SORCS2: variants seen among roughly 807,000 people sequenced by gnomAD.
SORCS2 encodes the protein VPS10 domain-containing receptor SorCS2.
A neutral mutation model predicts 141.6 loss-of-function variants in SORCS2; 100 were observed. The ratio of observed to expected loss-of-function variants is 0.71; its 90% CI spans 0.60 to 0.83. The LOEUF is 0.83. Ranked by LOEUF, SORCS2 falls within the 40% of genes least tolerant of loss-of-function variation. The probability of loss-of-function intolerance (pLI) is 0.00; values close to 1 mark genes in which losing one functional copy is unlikely to be tolerated. For missense variants in SORCS2, 1,646 were observed against 1,560.2 expected, an observed-to-expected ratio of 1.05 and a Z score of -0.93; for synonymous variants, 789 against 676.9, an observed-to-expected ratio of 1.17 and a Z score of -2.57.
intron 2 of SORCS2, among the ~76,000 whole-genome samples, chr4:7,484,687 T>A (rs916586186): frequency 1.4e-4 from 21 of 152,084 alleles, no homozygotes; most frequent in Admixed American, 1.3e-3. Context: ...AAAATGATCC[T>A]CTCTTTAGAG....
chr4:7,521,578 G>A (rs112683331), intron 2 of SORCS2, among the ~76,000 whole-genome samples: 2 of 152,274 alleles, frequency 1.3e-5, no homozygotes, highest in African/African-American at 4.8e-5. Flanking sequence ...GGTCCTGGGC[G>A]CCACAGCGGT....
chr4:7,506,847 TACAAAACAACAAACAA>T (rs2109447528), intron 2 of SORCS2, among the ~76,000 whole-genome samples: 1 of 152,256 alleles, frequency 6.6e-6, no homozygotes, highest in African/African-American at 2.4e-5. Context: ...AATACACAGA[TACAAAACAACAAACAA>T]ATGAAACAAA....
chr4:7,299,564 C>G (rs1717302362), intron 1 of SORCS2, among the ~76,000 whole-genome samples: 1 of 152,220 alleles, frequency 6.6e-6, no homozygotes, highest in South Asian at 2.1e-4. Context: ...CATGTTAGAT[C>G]CTGGGGCATT....
intron 3 of SORCS2, among the ~76,000 whole-genome samples, chr4:7,610,686 C>T (rs1318836122): frequency 6.6e-6 from 1 of 152,110 alleles, no homozygotes; most frequent in Non-Finnish European, 1.5e-5. Flanking sequence ...CTGTTGATTC[C>T]ATCAGATTCT....
chr4:7,230,625 G>A (rs113957943), intron 1 of SORCS2, among the ~76,000 whole-genome samples: 8 of 116,268 alleles, frequency 6.9e-5, no homozygotes, highest in East Asian at 5.8e-4. Context: ...GCAGTGTCTG[G>A]AGCAGTGTCA....
intron 1 of SORCS2, among the ~76,000 whole-genome samples, chr4:7,392,907 G>T (rs908024275): frequency 3.4e-4 from 51 of 151,560 alleles, no homozygotes; most frequent in African/African-American, 8.0e-4. Flanking sequence ...TCGGGGGGGG[G>T]GGGGTGCTGC....
At chr4:7,578,803 G>T (rs528936451) in intron 3 of SORCS2, among the ~76,000 whole-genome samples, 1 of 152,258 alleles carries the variant, frequency 6.6e-6, no homozygotes, top group Admixed American at 6.5e-5. Flanking sequence ...TGATCTTGTG[G>T]TTTCTCCCAG....
At chr4:7,586,889 GT>G (rs750375998) in intron 3 of SORCS2, among the ~76,000 whole-genome samples, 1 of 152,114 alleles carries the variant, frequency 6.6e-6, no homozygotes, top group African/African-American at 2.4e-5. Context: ...TTGAAGACAA[GT>G]CCTTTTCAGA....
At chr4:7,309,683 C>T (rs1718059157) in intron 1 of SORCS2, among the ~76,000 whole-genome samples, 1 of 152,168 alleles carries the variant, frequency 6.6e-6, no homozygotes, top group South Asian at 2.1e-4. Context: ...GAGTGGTTAC[C>T]ATACACCTTC....
rs573692591 is a variant in SORCS2 at position 7,446,171 on chromosome 4, G to A, written c.548+49816G>A. Among the ~76,000 whole-genome samples, 27 of 152,086 alleles carry A rather than the reference G, an allele frequency of 1.8e-4. No homozygotes were observed. In the South Asian group the frequency reaches 5.6e-3, roughly 32 times the overall value. Reference sequence around the variant, plus strand: ...TGGAGGGATGGGGATAAAGGAAGGAGGTAGGGAGGGGAGGGGAGGGGAGGG... The same window carrying A: ...TGGAGGGATGGGGATAAAGGAAGGAAGTAGGGAGGGGAGGGGAGGGGAGGG... On this transcript the variant is annotated intron_variant, in intron 2 of 26. Transcript: ENST00000507866.
Position 7,664,563 on chromosome 4 carries a change from G to A in SORCS2, c.1071+92G>A, listed in dbSNP as rs1170552336. 2.3e-6 allele frequency: 2 copies of A among 856,170 alleles called. No individual in the cohort carries two copies. The highest frequency in any genetic ancestry group is 3.7e-6 in the Non-Finnish European group (2 of 545,898). The allele number at this position is 856,170 out of a possible 1,614,324, so 53.0% of individuals were successfully genotyped here. On this transcript the variant is annotated intron_variant, in intron 7 of 26. Coordinates refer to ENST00000507866, the MANE Select transcript of SORCS2 (RefSeq NM_020777.3). This position sits in a 1 kb window ranked among gnomAD's most constrained non-coding sequence, Gnocchi z 4.7. ...AAAAATGGCATCGCTCAGAAAAGAG[G>A]CAATAAAACGGGTATTTCACTCTCA...
intron 1 of SORCS2, among the ~76,000 whole-genome samples, chr4:7,392,739 G>T (rs1220868440): frequency 2.0e-5 from 3 of 152,018 alleles, no homozygotes; most frequent in South Asian, 2.1e-4. Context: ...GCATCACAGA[G>T]GGGGGAGGGC....
At chr4:7,726,727 C>T in intron 20 of SORCS2, 53 bp from the exon 21 acceptor site, 2 of 1,592,260 alleles carry the variant, frequency 1.3e-6, no homozygotes, top group South Asian at 2.3e-5. Flanking sequence ...CAGCGTCCCC[C>T]ACGGCCGCTG....
At chr4:7,647,680 T>C (rs901971116) in intron 4 of SORCS2, among the ~76,000 whole-genome samples, 2 of 152,190 alleles carry the variant, frequency 1.3e-5, no homozygotes, top group South Asian at 2.1e-4. Context: ...AGTTCTGATA[T>C]GGACGAGGAG....
intron 2 of SORCS2, 70 bp from the exon 3 acceptor site, chr4:7,531,460 A>G: frequency 6.9e-7 from 1 of 1,447,538 alleles, no homozygotes; most frequent in Non-Finnish European, 9.6e-7. Context: ...CAGGGGCTGG[A>G]CACCGTGTGG....
chr4:7,634,605 A>T (rs1560442597), intron 3 of SORCS2, among the ~76,000 whole-genome samples: 1 of 152,258 alleles, frequency 6.6e-6, no homozygotes, highest in East Asian at 1.9e-4. Flanking sequence ...AACCTCTCCC[A>T]TGCTAATGAA....
intron 2 of SORCS2, among the ~76,000 whole-genome samples, chr4:7,426,454 T>C (rs1244906186): frequency 6.6e-6 from 1 of 152,208 alleles, no homozygotes; most frequent in Non-Finnish European, 1.5e-5. Context: ...AGGCCAGGTG[T>C]GGCTCACACT....
chr4:7,401,364 T>C (rs1451343599), intron 2 of SORCS2, among the ~76,000 whole-genome samples: 1 of 152,026 alleles, frequency 6.6e-6, no homozygotes, highest in Admixed American at 6.5e-5. Flanking sequence ...GATGGACAGA[T>C]GGATGGGTGG....
chr4:7,302,589 C>A (rs764423483), intron 1 of SORCS2, among the ~76,000 whole-genome samples: 23 of 152,130 alleles, frequency 1.5e-4, no homozygotes, highest in Non-Finnish European at 3.4e-4. Context: ...GGCCCTGTGC[C>A]CTGACTTGGA....
Sources: gnomAD v4.1 joint callset for allele counts (sites outside exome capture counted in the v4.1 genomes callset) on GRCh38, gnomAD v4.1.1 for gene constraint, Gnocchi (gnomAD v3.1) non-coding constraint, MANE v1.5 for transcripts, NCBI Gene and HGNC (gene_info 2026-07-23, HGNC 2026-07-21) for gene names.